The following RANBP2 variants were observed in gnomAD, a reference collection of about 807,000 sequenced individuals.
RANBP2 encodes E3 SUMO-protein ligase RanBP2.
In RANBP2, 57 loss-of-function variants were observed where a neutral mutation model predicts 303.6. The observed-to-expected ratio is 0.19, with a 90% CI of 0.15 to 0.23. RANBP2 has a LOEUF of 0.23. Ranked by LOEUF, RANBP2 falls within the 10% of genes least tolerant of loss-of-function variation. RANBP2 has a pLI of 1.00. For missense variants in RANBP2, 3,138 were observed against 3,780.8 expected (o/e 0.83, Z 4.46); for synonymous variants, 1,167 against 1,301.5 (o/e 0.90, Z 2.23).
the RANBP2 span, among the ~76,000 whole-genome samples, chr2:108,791,054 G>A: frequency 4.5e-3 from 687 of 152,194 alleles, 4 homozygotes; most frequent in African/African-American, 0.016. Context: ...GAGCCACCAT[G>A]CCTGTTCTAT....
the RANBP2 span, among the ~76,000 whole-genome samples, chr2:109,760,879 G>C: frequency 1.5e-5 from 2 of 135,926 alleles, no homozygotes; most frequent in Non-Finnish European, 3.1e-5. Context: ...CGGCCGCCGT[G>C]GGGGTGGGGT....
chr2:109,286,354 C>T, the RANBP2 span, among the ~76,000 whole-genome samples: 2 of 152,186 alleles, frequency 1.3e-5, no homozygotes, highest in Non-Finnish European at 2.9e-5. Context: ...ACGCAGTGGT[C>T]ACTCCAGGGG....
the RANBP2 span, among the ~76,000 whole-genome samples, chr2:108,865,045 C>A: frequency 6.6e-6 from 1 of 152,056 alleles, no homozygotes; most frequent in Non-Finnish European, 1.5e-5. Flanking sequence ...TTACTGTTTC[C>A]CTCCCTGGAG....
chr2:108,745,647 T>A (rs1163379678), intron 7 of RANBP2, among the ~76,000 whole-genome samples: 1 of 151,932 alleles, frequency 6.6e-6, no homozygotes, highest in Non-Finnish European at 1.5e-5. Flanking sequence ...ATTTCCTGGT[T>A]GTCCCATTTA....
the RANBP2 span, chr2:109,313,576 TC>T: frequency 6.5e-6 from 1 of 154,942 alleles, no homozygotes; most frequent in Non-Finnish European, 1.5e-5. Flanking sequence ...ATAGGGACTG[TC>T]CTTGGCCAAG....
At chr2:109,498,404 G>T in the RANBP2 span, among the ~76,000 whole-genome samples, 1 of 152,164 alleles carries the variant, frequency 6.6e-6, no homozygotes, top group Admixed American at 6.5e-5. Flanking sequence ...GGGCCTGTGT[G>T]CCCAGGGGCT....
intron 20 of RANBP2, 21 bp from the exon 21 acceptor site, chr2:108,771,679 AT>A: frequency 1.2e-6 from 2 of 1,609,484 alleles, no homozygotes; most frequent in Non-Finnish European, 8.5e-7. Flanking sequence ...ATCTTTGTCA[AT>A]TTTTTTGACT....
chr2:108,802,408 A>T, the RANBP2 span, among the ~76,000 whole-genome samples: 97 of 139,352 alleles, frequency 7.0e-4, no homozygotes, highest in Admixed American at 1.7e-3. Context: ...ATGGGAGTTC[A>T]CTCATGATGT....
At chr2:108,883,258 A>G in the RANBP2 span, 1 of 152,244 alleles carries the variant, frequency 6.6e-6, no homozygotes, top group Non-Finnish European at 1.5e-5. Context: ...TGTAGCACCC[A>G]GTTGAGATGA....
At chr2:108,994,379 A>C in the RANBP2 span, among the ~76,000 whole-genome samples, 1 of 152,168 alleles carries the variant, frequency 6.6e-6, no homozygotes, top group South Asian at 2.1e-4. Context: ...AGCAGTGAAA[A>C]CATAATTGAA....
At chr2:108,882,583 A>T in the RANBP2 span, 1 of 152,150 alleles carries the variant, frequency 6.6e-6, no homozygotes, top group South Asian at 2.1e-4. Context: ...CCCATTGTAG[A>T]CCCACTTGCT....
chr2:108,732,007 A>G (rs1695203191), intron 4 of RANBP2: 1 of 155,380 alleles, frequency 6.4e-6, no homozygotes, highest in Non-Finnish European at 1.4e-5. Context: ...TATAGAGTAA[A>G]ATATAGTTTA....
chr2:109,632,856 CTT>C, the RANBP2 span, among the ~76,000 whole-genome samples: 2 of 151,684 alleles, frequency 1.3e-5, no homozygotes, highest in Non-Finnish European at 2.9e-5. Context: ...AAAACAAAAA[CTT>C]GACGTCCAAG....
the RANBP2 span, chr2:108,856,900 T>A: frequency 1.2e-6 from 2 of 1,613,240 alleles, no homozygotes; most frequent in Middle Eastern, 1.6e-4. Context: ...TATTAAGTCA[T>A]CTAAGAATAT....
At chr2:109,206,291 C>G in the RANBP2 span, among the ~76,000 whole-genome samples, 1 of 151,874 alleles carries the variant, frequency 6.6e-6, no homozygotes, top group East Asian at 1.9e-4. Flanking sequence ...GAGATTGAGA[C>G]CATCCTGGCT....
At chr2:108,928,679 G>A in the RANBP2 span, among the ~76,000 whole-genome samples, 1 of 152,314 alleles carries the variant, frequency 6.6e-6, no homozygotes, top group South Asian at 2.1e-4. Flanking sequence ...TTGCTGAGGT[G>A]TCATGCCTGG....
chr2:109,090,485 T>C, the RANBP2 span, among the ~76,000 whole-genome samples: 32 of 152,232 alleles, frequency 2.1e-4, no homozygotes, highest in Middle Eastern at 3.4e-3. Context: ...TACAAGGGAA[T>C]GAGAATCAGG....
At chr2:109,222,400 C>T in the RANBP2 span, among the ~76,000 whole-genome samples, 1 of 152,084 alleles carries the variant, frequency 6.6e-6, no homozygotes, top group Non-Finnish European at 1.5e-5. Context: ...TGCTAGTTAC[C>T]CTGATTTGAT....
chr2:109,002,327 G>A, the RANBP2 span, among the ~76,000 whole-genome samples: 1 of 152,184 alleles, frequency 6.6e-6, no homozygotes, highest in Admixed American at 6.5e-5. Context: ...TTCCCAGCTT[G>A]CTAGGCTCTT....
Sources: allele counts gnomAD v4.1 joint callset (sites outside exome capture counted in the v4.1 genomes callset), GRCh38; gene constraint gnomAD v4.1.1; transcripts MANE v1.5; gene names NCBI Gene and HGNC (gene_info 2026-07-23, HGNC 2026-07-21).